ALK: variants seen among roughly 807,000 people sequenced by gnomAD.
ALK encodes ALK tyrosine kinase receptor.
A neutral mutation model predicts 163.1 loss-of-function variants in ALK; 74 were observed. The observed-to-expected ratio is 0.45, with a 90% CI of 0.38 to 0.55. ALK has a LOEUF of 0.55. ALK is among the 20% of genes least tolerant of loss of function. The probability of loss-of-function intolerance (pLI) is 0.00; values close to 1 mark genes in which losing one functional copy is unlikely to be tolerated. For synonymous variants in ALK, 960 were observed against 843.2 expected (o/e 1.14, Z -2.40); for missense variants, 2,063 against 2,105.3 (o/e 0.98, Z 0.39).
intron 1 of ALK, among the ~76,000 whole-genome samples, chr2:29,830,508 G>T (rs910775572): frequency 7.9e-5 from 12 of 151,876 alleles, no homozygotes; most frequent in Non-Finnish European, 1.6e-4. Context: ...CCCATCCAGG[G>T]CTAAGACCCT....
chr2:29,264,523 T>C (rs550820906), intron 11 of ALK, among the ~76,000 whole-genome samples: 59 of 152,272 alleles, frequency 3.9e-4, no homozygotes, highest in African/African-American at 1.4e-3. Context: ...CACTAGCACA[T>C]ATACTCCATA....
Position 29,318,354 on chromosome 2 carries a change from T to C in ALK, c.1597A>G (p.Thr533Ala), listed in dbSNP as rs2148248122. 1 of 1,614,058 alleles carries C rather than the reference T, an allele frequency of 6.2e-7. No homozygotes were observed. Among genetic ancestry groups the C allele is most frequent in the Non-Finnish European group, 8.5e-7 (1 of 1,179,942 alleles). Residue 533 changes from threonine to alanine, a missense_variant, in exon 8 of 29, where the codon ACA (threonine) becomes GCA (alanine). By Grantham distance (58) the Thr-to-Ala change is moderately conservative. Around this residue, in one of 5 missense-constraint regions of ALK, gnomAD observed 987 missense variants for 939.5 expected, o/e 1.05. Transcript: ENST00000389048. ...GCAGGAAACGTAGCACTGGTCACTG[T>C]AGCACTTTCAGAAGCGGGGACATCA... ...TTDVPASESA[T>A]VTSATFPAPI... is the part of the protein sequence containing the mutation.
chr2:29,795,917 T>G (rs1664297153), intron 1 of ALK, among the ~76,000 whole-genome samples: 1 of 152,288 alleles, frequency 6.6e-6, no homozygotes, highest in African/African-American at 2.4e-5. Flanking sequence ...AATTATTACT[T>G]TGCAACAGGA....
At chr2:29,865,279 T>C (rs952889005) in intron 1 of ALK, among the ~76,000 whole-genome samples, 129 of 152,282 alleles carry the variant, frequency 8.5e-4, no homozygotes, top group African/African-American at 3.0e-3. Flanking sequence ...TAATTCCTAC[T>C]AGCTCCAGCT....
intron 3 of ALK, among the ~76,000 whole-genome samples, chr2:29,630,165 C>A (rs1676318248): frequency 6.6e-6 from 1 of 152,126 alleles, no homozygotes; most frequent in Admixed American, 6.6e-5. Flanking sequence ...GGTAGAAGGA[C>A]ACTTGATTGG....
intron 3 of ALK, among the ~76,000 whole-genome samples, chr2:29,648,668 G>A (rs1442947140): frequency 6.6e-6 from 1 of 152,076 alleles, no homozygotes; most frequent in African/African-American, 2.4e-5. Flanking sequence ...CACTCATGTG[G>A]TAGCATGTAA....
chr2:29,685,081 C>A (rs1678196101), intron 3 of ALK, among the ~76,000 whole-genome samples: 1 of 152,154 alleles, frequency 6.6e-6, no homozygotes, highest in Non-Finnish European at 1.5e-5. Flanking sequence ...TTATAGGAAT[C>A]AATTGTGACT....
intron 4 of ALK, among the ~76,000 whole-genome samples, chr2:29,393,692 C>G (rs1020890184): frequency 3.3e-5 from 5 of 152,224 alleles, no homozygotes; most frequent in African/African-American, 1.2e-4. Flanking sequence ...CTCTTGCTTT[C>G]CTGTCTTTTG....
intron 1 of ALK, among the ~76,000 whole-genome samples, chr2:29,755,549 G>A (rs929381245): frequency 1.1e-4 from 17 of 152,220 alleles, no homozygotes; most frequent in Non-Finnish European, 2.9e-5. Context: ...AATGGATTCC[G>A]CTGAGTAGAA....
intron 11 of ALK, among the ~76,000 whole-genome samples, chr2:29,270,860 C>T (rs1393741165): frequency 6.6e-6 from 1 of 152,168 alleles, no homozygotes; most frequent in East Asian, 1.9e-4. Context: ...TGACTTGTCT[C>T]TGGACTTCTC....
chr2:29,889,319 ATGT>A (rs1383195302), intron 1 of ALK, among the ~76,000 whole-genome samples: 1 of 152,084 alleles, frequency 6.6e-6, no homozygotes, highest in Non-Finnish European at 1.5e-5. Context: ...CTAATGAGCA[ATGT>A]TAACACAATT....
At chr2:29,321,402 C>G (rs1667041581) in intron 6 of ALK, among the ~76,000 whole-genome samples, 1 of 152,210 alleles carries the variant, frequency 6.6e-6, no homozygotes, top group Non-Finnish European at 1.5e-5. Flanking sequence ...CTGGGTCCAT[C>G]AAATTACCTG....
At chr2:29,717,773 A>G in intron 1 of ALK, 76 bp from the exon 2 acceptor site, 2 of 1,601,596 alleles carry the variant, frequency 1.2e-6, no homozygotes, top group Non-Finnish European at 8.5e-7. Flanking sequence ...ATATCAGTCA[A>G]AAATGAAGTT....
At chr2:29,215,457 C>G (rs565641333) in intron 23 of ALK, among the ~76,000 whole-genome samples, 2 of 152,138 alleles carry the variant, frequency 1.3e-5, no homozygotes, top group African/African-American at 4.8e-5. Flanking sequence ...CTTACATGCC[C>G]CAGAGCACAT....
At chr2:29,510,493 T>C (rs1398695627) in intron 4 of ALK, among the ~76,000 whole-genome samples, 1 of 152,208 alleles carries the variant, frequency 6.6e-6, no homozygotes, top group African/African-American at 2.4e-5. Flanking sequence ...CTTAATTTCC[T>C]TGAGCCTTAG....
chr2:29,414,770 C>T (rs549043593), intron 4 of ALK, among the ~76,000 whole-genome samples: 36 of 152,158 alleles, frequency 2.4e-4, no homozygotes, highest in African/African-American at 3.9e-4. Context: ...CGATCCTTCC[C>T]CACAATTAGG....
At chr2:29,859,151 C>T (rs112210716) in intron 1 of ALK, among the ~76,000 whole-genome samples, 2 of 152,226 alleles carry the variant, frequency 1.3e-5, no homozygotes, top group African/African-American at 4.8e-5. Context: ...GGATAAAATA[C>T]GAGGGGCTGG....
intron 2 of ALK, among the ~76,000 whole-genome samples, chr2:29,700,466 C>A (rs1468250691): frequency 1.3e-5 from 2 of 152,140 alleles, no homozygotes; most frequent in African/African-American, 4.8e-5. Flanking sequence ...ATGGCTTGAA[C>A]CCGGGAGGCG....
rs187993001 is a variant in ALK, at chr2:29,304,364, C to T, written c.1648-7307G>A. ...TACAAAAATTAGCCAGGTGTGGTGG[C>T]AGGTGCCTGTAGTCCCAGCTACTCA... On this transcript the variant is annotated intron_variant, in intron 8 of 28. Coordinates refer to ENST00000389048, the MANE Select transcript of ALK (RefSeq NM_004304.5). 6.9e-3 allele frequency among the ~76,000 whole-genome samples: 1,046 copies of T among 152,090 alleles called. 10 individuals are homozygous for T. Among genetic ancestry groups the T allele is most frequent in the Middle Eastern group, 0.017 (5 of 292 alleles).
Sources: gnomAD v4.1 joint callset for allele counts (sites outside exome capture counted in the v4.1 genomes callset) on GRCh38, gnomAD v4.1.1 for gene constraint, gnomAD v4.1.1 regional missense constraint, MANE v1.5 for transcripts, NCBI Gene and HGNC (gene_info 2026-07-23, HGNC 2026-07-21) for gene names.